Variants in CRYZ observed in about 807,000 individuals in gnomAD.
CRYZ encodes the protein zeta-crystallin.
A neutral mutation model predicts 34.1 loss-of-function variants in CRYZ; 35 were observed. The observed-to-expected ratio is 1.03, with a 90% CI of 0.78 to 1.36. The LOEUF is 1.36. Among genes scored for constraint, CRYZ ranks in the 40% most tolerant of loss-of-function variants. The pLI is 0.00. For synonymous variants in CRYZ, 137 were observed against 136.5 expected (o/e 1.00, Z -0.03); for missense variants, 403 against 391.8 (o/e 1.03, Z -0.24).
intron 2 of CRYZ, 38 bp from the exon 3 acceptor site, chr1:74,723,308 T>C: frequency 6.3e-7 from 1 of 1,594,156 alleles, no homozygotes; most frequent in Non-Finnish European, 8.5e-7. Flanking sequence ...AGAAAGAATT[T>C]AGGCATTCAT....
At chr1:74,719,435 A>G (rs1647125151) in intron 3 of CRYZ, 63 bp from the exon 4 acceptor site, 3 of 1,427,106 alleles carry the variant, frequency 2.1e-6, no homozygotes, top group Non-Finnish European at 2.9e-6. Context: ...AAATAGGTAT[A>G]ATCCTTTATA....
At chr1:74,724,067 CAG>C (rs1202440436) in intron 2 of CRYZ, among the ~76,000 whole-genome samples, 1 of 152,042 alleles carries the variant, frequency 6.6e-6, no homozygotes, top group African/African-American at 2.4e-5. Context: ...TGTGCAAAGA[CAG>C]AGAAATGAAA....
At position 74,710,103 on chromosome 1, in the gene CRYZ, T is replaced by C; in HGVS notation, c.625A>G (p.Ile209Val). The change falls in exon 6 of 9, where the codon ATT (isoleucine) becomes GTT (valine). Residue 209 changes from isoleucine to valine, a missense_variant. Coordinates refer to ENST00000340866, the MANE Select transcript of CRYZ (RefSeq NM_001889.4). Reference protein sequence around the residue: ...NHREVNYIDKIKKYVGEKGID... With the variant: ...NHREVNYIDKVKKYVGEKGID... ...AAAACAGTGGAAAATTTTACCTTAA[T>C]TTTATCAATGTAATTCACTTCTCTG... The C allele has an allele frequency of 6.2e-7, 1 of 1,611,774 alleles. No individual in the cohort carries two copies. Among genetic ancestry groups the C allele is most frequent in the South Asian group, 1.1e-5 (1 of 90,674 alleles).
intron 3 of CRYZ, 75 bp downstream of exon 3, chr1:74,723,043 T>C: frequency 6.9e-7 from 1 of 1,445,210 alleles, no homozygotes; most frequent in Non-Finnish European, 9.5e-7. Context: ...TTAAATAAGA[T>C]GCAGTTGAAA....
intron 6 of CRYZ, 68 bp downstream of exon 6, chr1:74,710,030 A>T: frequency 7.1e-7 from 1 of 1,398,754 alleles, no homozygotes; most frequent in Non-Finnish European, 9.9e-7. Flanking sequence ...GGTTAAAAAC[A>T]TATTAAAAAA....
At chr1:74,714,418 C>T (rs1647043738) in intron 5 of CRYZ, among the ~76,000 whole-genome samples, 161 bp downstream of exon 5, 1 of 152,048 alleles carries the variant, frequency 6.6e-6, no homozygotes, top group African/African-American at 2.4e-5. Context: ...AATGACAAAA[C>T]ATCACCTTCA....
At chr1:74,722,902 TA>T (rs1647189873) in intron 3 of CRYZ, among the ~76,000 whole-genome samples, 1 of 152,132 alleles carries the variant, frequency 6.6e-6, no homozygotes, top group Non-Finnish European at 1.5e-5. Context: ...ATACAGAAAT[TA>T]CCCAGCACCT....
intron 2 of CRYZ, among the ~76,000 whole-genome samples, chr1:74,723,615 C>G (rs903506539): frequency 2.6e-5 from 4 of 152,168 alleles, no homozygotes; most frequent in Admixed American, 2.6e-4. Context: ...TTATGAGTAG[C>G]CAAGTAACTG....
intron 5 of CRYZ, among the ~76,000 whole-genome samples, chr1:74,711,823 G>T (rs566803028): frequency 1.3e-5 from 2 of 152,310 alleles, no homozygotes; most frequent in African/African-American, 4.8e-5. Flanking sequence ...TACGGGCGAA[G>T]ATGTTCAGCA....
intron 5 of CRYZ, among the ~76,000 whole-genome samples, chr1:74,711,790 G>C (rs1647007416): frequency 6.6e-6 from 1 of 152,170 alleles, no homozygotes; most frequent in Admixed American, 6.6e-5. Context: ...GTAACATGCT[G>C]AGCTGCACAG....
chr1:74,717,647 C>T (rs975511438), intron 4 of CRYZ, among the ~76,000 whole-genome samples: 1 of 152,192 alleles, frequency 6.6e-6, no homozygotes, highest in Non-Finnish European at 1.5e-5. Context: ...CTATGTTTCT[C>T]AAATCAGTAA....
At chr1:74,719,092 G>T (rs1176103771) in intron 4 of CRYZ, 117 bp downstream of exon 4, 6 of 1,029,472 alleles carry the variant, frequency 5.8e-6, no homozygotes, top group Non-Finnish European at 7.2e-6. Flanking sequence ...ATGTTTAATG[G>T]TAAGTAACTG....
chr1:74,723,178 AGTATAGG>A lies in CRYZ; in HGVS notation c.197_203del (p.Pro66LeufsTer9). ...TCACCCCAGCCACATCTGAGCCAGG[AGTATAGG>A]GTAAGAGTGGTTTTCTACTATAAGT... On this transcript the variant is annotated frameshift_variant, in exon 3 of 9. Transcript: ENST00000340866. LOFTEE classifies it high-confidence loss of function. The A allele has an allele frequency of 5.6e-6, 9 of 1,614,060 alleles. No homozygotes were observed. The highest frequency in any genetic ancestry group is 7.6e-6 in the Non-Finnish European group (9 of 1,179,944).
At chr1:74,724,978 A>G in intron 1 of CRYZ, 144 bp from the exon 2 acceptor site, 1 of 554,016 alleles carries the variant, frequency 1.8e-6, no homozygotes, top group Non-Finnish European at 3.2e-6. Flanking sequence ...TTCATGTTTA[A>G]GGACCTTTCA....
chr1:74,706,158 C>A lies in CRYZ; in HGVS notation c.*138G>T. ...AATAAATTTTACTCTTCTGCTTCTG[C>A]TCTCTAAAGAAAAATCTTATTTTTT... On this transcript the variant is annotated 3_prime_UTR_variant, in exon 9 of 9. Transcript: ENST00000340866. 1.4e-6 allele frequency: 1 copy of A among 693,756 alleles called. No homozygotes were observed. The allele number at this position is 693,756 out of a possible 1,614,324, so 43.0% of individuals were successfully genotyped here. A position where few individuals can be genotyped will look rare whatever the true frequency, so the allele number is the denominator to read the frequency against.
intron 1 of CRYZ, among the ~76,000 whole-genome samples, chr1:74,726,082 GCA>G (rs749882584): frequency 2.6e-4 from 39 of 152,170 alleles, no homozygotes; most frequent in Admixed American, 4.6e-4. Context: ...GCCTTTCCAG[GCA>G]CACAGTGTAA....
chr1:74,726,228 G>A (rs1647332192), intron 1 of CRYZ, among the ~76,000 whole-genome samples: 1 of 152,226 alleles, frequency 6.6e-6, no homozygotes, highest in African/African-American at 2.4e-5. Flanking sequence ...TGCCCTAGCA[G>A]AGGTAGGTTC....
At chr1:74,724,590 TA>T in intron 2 of CRYZ, 120 bp downstream of exon 2, 1 of 647,320 alleles carries the variant, frequency 1.5e-6, no homozygotes, top group Non-Finnish European at 2.7e-6. Flanking sequence ...ATACATAGTG[TA>T]AACTGCATCC....
chr1:74,731,970 G>T (rs1570035426), intron 1 of CRYZ, among the ~76,000 whole-genome samples: 1 of 152,322 alleles, frequency 6.6e-6, no homozygotes, highest in Admixed American at 6.5e-5. Context: ...CTCAAAGACT[G>T]CAATCCTGAT....
Sources: gnomAD v4.1 joint callset for allele counts (sites outside exome capture counted in the v4.1 genomes callset) on GRCh38, gnomAD v4.1.1 for gene constraint, MANE v1.5 for transcripts, NCBI Gene and HGNC (gene_info 2026-07-23, HGNC 2026-07-21) for gene names.